TTN: variants seen among roughly 807,000 people sequenced by gnomAD.
TTN encodes titin.
A neutral mutation model predicts 3,223.0 loss-of-function variants in TTN; 1,525 were observed. The ratio of observed to expected loss-of-function variants is 0.47; its 90% CI spans 0.45 to 0.49. The LOEUF is 0.49. TTN is among the 20% of genes least tolerant of loss of function. The probability of loss-of-function intolerance (pLI) is 0.00; values close to 1 mark genes in which losing one functional copy is unlikely to be tolerated. For synonymous variants in TTN, 14,094 were observed against 15,161.0 expected, an observed-to-expected ratio of 0.93 and a Z score of 5.17; for missense variants, 40,786 against 43,424.0, an observed-to-expected ratio of 0.94 and a Z score of 5.40.
chr2:178,711,565 A>G (rs1189949695), intron 96 of TTN, among the ~76,000 whole-genome samples: 1 of 152,190 alleles, frequency 6.6e-6, no homozygotes, highest in Non-Finnish European at 1.5e-5. Flanking sequence ...GGTGCAAAAC[A>G]GTATGAAAAC....
chr2:178,650,810 A>G lies in TTN; in HGVS notation c.39650T>C (p.Val13217Ala). ...AGGAACAGCTGGTTTCTCTTCCAAG[A>G]CAGGTTTCTTTGGCACTTCTGGCAC... ...AKVPEVPKKP[V>A]LEEKPAVPVP... Residue 13217 changes from valine (V) to alanine (A), a missense_variant, in exon 209 of 363, where the codon GTC (valine) becomes GCC (alanine). By Grantham distance (64) the Val-to-Ala change is moderately conservative. Coordinates refer to ENST00000589042, the MANE Select transcript of TTN (RefSeq NM_001267550.2). The G allele has an allele frequency of 6.2e-7, 1 of 1,607,400 alleles. No homozygotes were observed. The highest frequency in any genetic ancestry group is 1.1e-5 in the South Asian group (1 of 89,562).
rs775365316 is a variant in TTN at position 178,738,291 on chromosome 2, C to G, written c.14162G>C (p.Cys4721Ser). 1 of 1,613,394 alleles carries G rather than the reference C, an allele frequency of 6.2e-7. No homozygotes were observed. Among genetic ancestry groups the G allele is most frequent in the Non-Finnish European group, 8.5e-7 (1 of 1,179,688 alleles). ...VALGHLAKFT[C>S]EIQSAPNVRF... ...GACATTGGGAGCACTTTGGATCTCA[C>G]AGGTGAATTTGGCTAGGTGGCCCAG... The change falls in exon 49 of 363, where the codon TGT becomes TCT. Residue 4721 changes from cysteine to serine, a missense_variant. Cys to Ser is a moderately radical substitution (Grantham distance 112). Coordinates refer to ENST00000589042, the MANE Select transcript of TTN (RefSeq NM_001267550.2).
intron 89 of TTN, 25 bp from the exon 90 acceptor site, chr2:178,715,289 C>A: frequency 6.3e-7 from 1 of 1,575,768 alleles, no homozygotes; most frequent in South Asian, 1.2e-5. Context: ...AAGGAAAATA[C>A]GGATGTATTC....
intron 294 of TTN, among the ~76,000 whole-genome samples, chr2:178,596,397 A>G (rs2051628753): frequency 6.6e-6 from 1 of 152,068 alleles, no homozygotes; most frequent in Admixed American, 6.6e-5. Context: ...TGTGAGTTGG[A>G]CAGGAGGGAG....
Position 178,735,397 on chromosome 2 carries a change from T to G in TTN, c.14935+114A>C. The stretch of plus-strand genomic sequence containing the variant: ...GACTTTCCCAAACCATAATGTTTGC[T>G]GAATGACATTATTTTAATAACAAAG... On this transcript the variant is annotated intron_variant, in intron 50 of 362. Transcript: ENST00000589042. The G allele has an allele frequency of 3.8e-6, 4 of 1,042,258 alleles. No homozygotes were observed. The African/African-American group carries it at 4.8e-5, about 13-fold the overall frequency. 64.6% of individuals were successfully genotyped at this position (1,042,258 alleles called of 1,614,324 possible). A position where few individuals can be genotyped will look rare whatever the true frequency, so the allele number is the denominator to read the frequency against.
Position 178,663,540 on chromosome 2 carries a change from C to T in TTN, c.36533-24G>A, listed in dbSNP as rs774034492. 1.8e-5 allele frequency: 29 copies of T among 1,613,368 alleles called. No homozygotes were observed. In the African/African-American group the frequency reaches 3.3e-4, roughly 19 times the overall value. On this transcript the variant is annotated intron_variant, in intron 171 of 362. Transcript: ENST00000589042. ...CACTTGAAAGATATTAGTGAAATTA[C>T]ATTTAGGCATTATGAAGACCACTAG...
rs746880378 is a variant in TTN, at chr2:178,574,219, C to G, written c.71913G>C (p.Trp23971Cys). The change falls in exon 326 of 363, where the codon TGG becomes TGC. Residue 23971 changes from tryptophan (W) to cysteine (C), a missense_variant. Coordinates refer to ENST00000589042, the MANE Select transcript of TTN (RefSeq NM_001267550.2). ...AAATGTTGCTGAAGTTGGCCTTCAG[C>G]CACCGTCCATTAGGAAGGTCTCTCT... ...VEKRDLPNGR[W>C]LKANFSNILE... 3 of 1,613,252 alleles carry G rather than the reference C, an allele frequency of 1.9e-6. No individual in the cohort carries two copies. In the African/African-American group the frequency reaches 4.0e-5, roughly 22 times the overall value.
At chr2:178,700,295 ATTTCC>A (rs1485212774) in intron 111 of TTN, among the ~76,000 whole-genome samples, 1 of 152,184 alleles carries the variant, frequency 6.6e-6, no homozygotes, top group Non-Finnish European at 1.5e-5. Flanking sequence ...TTCTAATTGA[ATTTCC>A]TCTAAGGCTG....
At chr2:178,778,412 G>GTT in intron 24 of TTN, 1 of 261,576 alleles carries the variant, frequency 3.8e-6, no homozygotes, top group Non-Finnish European at 7.4e-6. Context: ...AATGAATTTG[G>GTT]AAACAAAACA....
intron 4 of TTN, 51 bp downstream of exon 4, chr2:178,800,344 C>G (rs749535552): frequency 6.2e-7 from 1 of 1,611,806 alleles, no homozygotes; most frequent in Non-Finnish European, 8.5e-7. Context: ...CCCATTTAGA[C>G]ACAAACCAGC....
intron 221 of TTN, 122 bp from the exon 222 acceptor site, chr2:178,640,232 C>G: frequency 1.2e-6 from 1 of 847,388 alleles, no homozygotes; most frequent in Non-Finnish European, 1.8e-6. Context: ...ATATAATTAT[C>G]AAATCAAGTA....
Position 178,575,397 on chromosome 2 carries a change from A to C in TTN, c.70735T>G (p.Trp23579Gly), listed in dbSNP as rs1462359637. Residue 23579 changes from tryptophan to glycine, a missense_variant, in exon 326 of 363, where the codon TGG (tryptophan) becomes GGG (glycine). By Grantham distance (184) the Trp-to-Gly change is radical. Coordinates refer to ENST00000589042, the MANE Select transcript of TTN (RefSeq NM_001267550.2). The surrounding 1 kb of genome is among the most constrained non-coding windows in gnomAD (Gnocchi z 4.0). Reference sequence around the variant, plus strand: ...CCTTTCACGGTTGTGATGTGGGTCCACTGGTCAGAGCCTTTTCTTTGGGCT... The same window carrying C: ...CCTTTCACGGTTGTGATGTGGGTCCCCTGGTCAGAGCCTTTTCTTTGGGCT... The part of the protein sequence containing the change: ...IEAQRKGSDQ[W>G]THITTVKGLE... 3 of 1,613,484 alleles carry C rather than the reference A, an allele frequency of 1.9e-6. No individual in the cohort carries two copies. The highest frequency in any genetic ancestry group is 2.5e-6 in the Non-Finnish European group (3 of 1,179,676).
Position 178,675,359 on chromosome 2 carries a change from C to CT in TTN, c.34538-247dup, listed in dbSNP as rs563332904. 0.11 allele frequency: 33,756 copies of CT among 320,140 alleles called. 1,935 individuals carry two copies. Among genetic ancestry groups the CT allele is most frequent in the African/African-American group, 0.28 (12,399 of 44,606 alleles). 19.8% of individuals were successfully genotyped at this position (320,140 alleles called of 1,614,324 possible). On this transcript the variant is annotated intron_variant, in intron 149 of 362. Coordinates refer to ENST00000589042, the MANE Select transcript of TTN (RefSeq NM_001267550.2). Reference sequence around the variant, plus strand: ...AGCCTCTATTTCTTTTTTCTTTTGTCTTTTTTTTTTTTGTAGGAAGAAATG... The same window carrying CT: ...AGCCTCTATTTCTTTTTTCTTTTGTCTTTTTTTTTTTTTGTAGGAAGAAATG...
chr2:178,756,732 C>A lies in TTN; in HGVS notation c.10744G>T (p.Ala3582Ser). ...TCCTCCTTTGTGAAAGAGGAATCTG[C>A]CACTGCCTGGGACTTGGTGGACTCT... Reference protein sequence around the residue: ...VRESTKSQAVADSSFTKEESK... With the variant: ...VRESTKSQAVSDSSFTKEESK... Residue 3582 changes from alanine to serine, a missense_variant, in exon 46 of 363, where the codon GCA (alanine) becomes TCA (serine). Ala to Ser is a moderately conservative substitution (Grantham distance 99). Coordinates refer to ENST00000589042, the MANE Select transcript of TTN (RefSeq NM_001267550.2). 6.2e-7 allele frequency: 1 copy of A among 1,613,822 alleles called. No individual in the cohort carries two copies. The highest frequency in any genetic ancestry group is 8.5e-7 in the Non-Finnish European group (1 of 1,179,802).
intron 11 of TTN, 29 bp from the exon 12 acceptor site, chr2:178,790,144 A>C: frequency 1.2e-6 from 2 of 1,605,176 alleles, no homozygotes; most frequent in Non-Finnish European, 1.7e-6. Flanking sequence ...GTAAGAAAAT[A>C]GTCATTAAAT....
Position 178,549,436 on chromosome 2 carries a change from G to A in TTN, c.92190C>T (p.Asn30730=). 6.2e-7 allele frequency: 1 copy of A among 1,610,678 alleles called. No individual in the cohort carries two copies. Among genetic ancestry groups the A allele is most frequent in the Non-Finnish European group, 8.5e-7 (1 of 1,177,396 alleles). The change falls in exon 339 of 363, where the codon AAC becomes AAT. Residue 30730 remains asparagine, a synonymous_variant. Coordinates refer to ENST00000589042, the MANE Select transcript of TTN (RefSeq NM_001267550.2). ...PDAPGIPEPS[N]ITGNSITLTW... is the part of the protein sequence containing the mutation. ...TCAGGGTAATGCTGTTGCCTGTTATGTTGCTAGGTTCTGGAATGCCAGGGG... is the reference window on the plus strand; with the variant it reads ...TCAGGGTAATGCTGTTGCCTGTTATATTGCTAGGTTCTGGAATGCCAGGGG...
In TTN at chr2:178,698,879, C is replaced by G; in HGVS notation, c.30718G>C (p.Val10240Leu). Residue 10240 changes from valine to leucine, a missense_variant, in exon 112 of 363, where the codon GTT becomes CTT. Coordinates refer to ENST00000589042, the MANE Select transcript of TTN (RefSeq NM_001267550.2). ...GTCATCTCTTTGGGCTTTGCAACAACTTTTTTGGCATCTTTCTTCACAGCC... is the reference window on the plus strand; with the variant it reads ...GTCATCTCTTTGGGCTTTGCAACAAGTTTTTTGGCATCTTTCTTCACAGCC... ...KKAVKKDAKK[V>L]VAKPKEMTPR... The G allele has an allele frequency of 6.5e-7, 1 of 1,526,774 alleles. No individual in the cohort carries two copies. The highest frequency in any genetic ancestry group is 8.8e-7 in the Non-Finnish European group (1 of 1,140,190). The allele number at this position is 1,526,774 out of a possible 1,614,324, so 94.6% of individuals were successfully genotyped here.
At chr2:178,806,009 G>C (rs1006469964) in intron 1 of TTN, among the ~76,000 whole-genome samples, 1 of 152,084 alleles carries the variant, frequency 6.6e-6, no homozygotes, top group Non-Finnish European at 1.5e-5. Flanking sequence ...TTTCTGAATT[G>C]TCAATCACTT....
chr2:178,749,564 C>T, intron 47 of TTN: 1 of 1,612,776 alleles, frequency 6.2e-7, no homozygotes, highest in Non-Finnish European at 8.5e-7. Flanking sequence ...TACAGATTCT[C>T]CCTGGTCTTG....
Sources: gnomAD v4.1 joint callset for allele counts (sites outside exome capture counted in the v4.1 genomes callset) on GRCh38, gnomAD v4.1.1 for gene constraint, Gnocchi (gnomAD v3.1) non-coding constraint, MANE v1.5 for transcripts, NCBI Gene and HGNC (gene_info 2026-07-23, HGNC 2026-07-21) for gene names.